The following KIF18A variants were observed in gnomAD, a reference collection of about 807,000 sequenced individuals.
The protein encoded by KIF18A is kinesin-like protein KIF18A.
KIF18A carries 67 observed loss-of-function variants against 103.3 expected under a neutral mutation model. That is an observed-to-expected ratio of 0.65 (90% CI 0.53 to 0.79). The LOEUF is 0.79. Among genes scored for constraint, KIF18A ranks in the 30% least tolerant of loss-of-function variants. The probability of loss-of-function intolerance (pLI) is 0.00; values close to 1 mark genes in which losing one functional copy is unlikely to be tolerated. For synonymous variants in KIF18A, 367 were observed against 355.5 expected (o/e 1.03, Z -0.36); for missense variants, 1,032 against 1,062.5 (o/e 0.97, Z 0.40).
At chr11:28,060,329 T>A (rs1850842225) in intron 12 of KIF18A, among the ~76,000 whole-genome samples, 1 of 152,122 alleles carries the variant, frequency 6.6e-6, no homozygotes, top group South Asian at 2.1e-4. Context: ...CCATTAGAAG[T>A]ATGGATAGGG....
At chr11:28,060,417 T>C (rs1850843155) in intron 12 of KIF18A, among the ~76,000 whole-genome samples, 1 of 152,182 alleles carries the variant, frequency 6.6e-6, no homozygotes, top group South Asian at 2.1e-4. Context: ...TCTTAAATAT[T>C]TCAATAGCAG....
chr11:28,032,246 T>C lies in KIF18A; in HGVS notation c.2504+3141A>G, dbSNP rs573140015. Among the ~76,000 whole-genome samples, 9 of 152,070 alleles carry C rather than the reference T, an allele frequency of 5.9e-5. No individual in the cohort carries two copies. In the South Asian group the frequency reaches 1.5e-3, roughly 25 times the overall value. On this transcript the variant is annotated intron_variant, in intron 15 of 16. Transcript: ENST00000263181. The stretch of plus-strand genomic sequence containing the variant: ...TACAAAAAAATAGAAAGATATTCCA[T>C]GTTCATGGATTGGAAGAATCAATAT...
intron 13 of KIF18A, among the ~76,000 whole-genome samples, chr11:28,046,910 C>T (rs1003864516): frequency 4.2e-4 from 63 of 150,082 alleles, no homozygotes; most frequent in African/African-American, 1.5e-3. Flanking sequence ...AAAAATTAGC[C>T]GGGCCTGGTG....
At chr11:28,064,442 T>A (rs1590689277) in intron 11 of KIF18A, among the ~76,000 whole-genome samples, 1 of 152,120 alleles carries the variant, frequency 6.6e-6, no homozygotes, top group African/African-American at 2.4e-5. Context: ...TGCCACATAT[T>A]GCATCTTTTT....
At chr11:28,038,351 A>G (rs1424238718) in intron 13 of KIF18A, among the ~76,000 whole-genome samples, 1 of 151,648 alleles carries the variant, frequency 6.6e-6, no homozygotes, top group African/African-American at 2.4e-5. Flanking sequence ...TGATTATCTT[A>G]TATTTTTCAA....
rs58273868 is a variant in KIF18A at position 28,058,662 on chromosome 11, C to CAAAAA, written c.1948+259_1948+263dup. Among the ~76,000 whole-genome samples, 99 of 64,418 alleles carry CAAAAA rather than the reference C, an allele frequency of 1.5e-3. 1 individual carries two copies. The highest frequency in any genetic ancestry group is 5.3e-3 in the East Asian group (7 of 1,324). The allele number at this position is 64,418 out of a possible 152,430, so 42.3% of individuals were successfully genotyped here. ...GGGCAACAGGGTGAGACCCTGTCAC[C>CAAAAA]AAAAAAAAAAAAAAAAAAAAAAAAA... On this transcript the variant is annotated intron_variant, in intron 13 of 16. Transcript: ENST00000263181.
intron 2 of KIF18A, among the ~76,000 whole-genome samples, chr11:28,097,091 A>G (rs2133565449): frequency 6.6e-6 from 1 of 152,212 alleles, no homozygotes; most frequent in South Asian, 2.1e-4. Flanking sequence ...TGCGGGGTTT[A>G]GTGTACAGAT....
chr11:28,042,691 C>A (rs1000162722), intron 13 of KIF18A, among the ~76,000 whole-genome samples: 2 of 151,710 alleles, frequency 1.3e-5, no homozygotes, highest in Non-Finnish European at 2.9e-5. Context: ...TTGAGAAATA[C>A]CCATAGTACA....
chr11:28,105,869 A>G (rs986388665), intron 1 of KIF18A, among the ~76,000 whole-genome samples: 9 of 152,234 alleles, frequency 5.9e-5, no homozygotes, highest in Admixed American at 2.0e-4. Context: ...CATTATAGTA[A>G]ACACTTGACA....
intron 5 of KIF18A, among the ~76,000 whole-genome samples, chr11:28,089,083 C>T (rs1438719075): frequency 3.9e-5 from 6 of 152,228 alleles, no homozygotes; most frequent in East Asian, 1.9e-4. Flanking sequence ...CAAAGCTACT[C>T]GTTAGAATGC....
chr11:28,062,354 A>G (rs1352441012), intron 12 of KIF18A, 41 bp downstream of exon 12: 3 of 1,539,390 alleles, frequency 1.9e-6, no homozygotes, highest in Non-Finnish European at 2.6e-6. Flanking sequence ...TGCTTCAGAT[A>G]TAGTGTTAAA....
chr11:28,061,723 C>A (rs1489883845), intron 12 of KIF18A, among the ~76,000 whole-genome samples: 1 of 151,936 alleles, frequency 6.6e-6, no homozygotes, highest in Non-Finnish European at 1.5e-5. Flanking sequence ...TTTGAGCATA[C>A]CAGTAGAACA....
intron 13 of KIF18A, 92 bp downstream of exon 13, chr11:28,058,834 A>G (rs1850819655): frequency 2.0e-5 from 18 of 917,936 alleles, no homozygotes; most frequent in South Asian, 9.8e-5. Flanking sequence ...AAATAGACAA[A>G]CCTATTAAAA....
intron 10 of KIF18A, among the ~76,000 whole-genome samples, chr11:28,070,809 G>A (rs1015354983): frequency 6.6e-6 from 1 of 152,322 alleles, no homozygotes; most frequent in East Asian, 1.9e-4. Context: ...GGGAGGCTGA[G>A]GCAGGAGGAC....
rs549750272 is a variant in KIF18A at position 28,041,542 on chromosome 11, T to C, written c.1949-4878A>G. ...AAAAGGGGCAACTTATGTTAGGATTTATGGACAAGACAAGGGTTTTTATTT... is the reference window on the plus strand; with the variant it reads ...AAAAGGGGCAACTTATGTTAGGATTCATGGACAAGACAAGGGTTTTTATTT... On this transcript the variant is annotated intron_variant, in intron 13 of 16. Transcript: ENST00000263181. Among the ~76,000 whole-genome samples the C allele has an allele frequency of 5.9e-5, 9 of 151,938 alleles. No homozygotes were observed. The South Asian group carries it at 1.9e-3, about 31-fold the overall frequency.
intron 13 of KIF18A, among the ~76,000 whole-genome samples, chr11:28,057,953 C>A (rs1417326731): frequency 2.0e-5 from 3 of 152,134 alleles, no homozygotes; most frequent in Non-Finnish European, 4.4e-5. Flanking sequence ...AATGTGCTAG[C>A]ATTCACGTGA....
chr11:28,069,129 TA>T, intron 11 of KIF18A, 129 bp downstream of exon 11: 1 of 706,416 alleles, frequency 1.4e-6, no homozygotes, highest in Non-Finnish European at 2.4e-6. Flanking sequence ...CATTTAAAAG[TA>T]AATTAAATCT....
chr11:28,049,281 T>C (rs1259824783), intron 13 of KIF18A, among the ~76,000 whole-genome samples: 1 of 152,016 alleles, frequency 6.6e-6, no homozygotes, highest in Non-Finnish European at 1.5e-5. Context: ...CTTTTGGAAA[T>C]ATTTCACAGA....
chr11:28,063,454 T>G (rs1430123694), intron 11 of KIF18A, among the ~76,000 whole-genome samples: 1 of 152,058 alleles, frequency 6.6e-6, no homozygotes, highest in African/African-American at 2.4e-5. Flanking sequence ...ACTCTTGATA[T>G]TAGCTCCATC....
Sources: allele counts gnomAD v4.1 joint callset (sites outside exome capture counted in the v4.1 genomes callset), GRCh38; gene constraint gnomAD v4.1.1; transcripts MANE v1.5; gene names NCBI Gene and HGNC (gene_info 2026-07-23, HGNC 2026-07-21).